CDCA7L: variants seen among roughly 807,000 people sequenced by gnomAD.
CDCA7L encodes the protein cell division cycle-associated 7-like protein.
A neutral mutation model predicts 57.4 loss-of-function variants in CDCA7L; 44 were observed. That is an observed-to-expected ratio of 0.77 (90% CI 0.60 to 0.98). The LOEUF is 0.98. Ranked by LOEUF, CDCA7L falls within the 50% of genes least tolerant of loss-of-function variation. CDCA7L has a pLI of 0.00. For synonymous variants in CDCA7L, 236 were observed against 202.8 expected (o/e 1.16, Z -1.39); for missense variants, 644 against 580.6 (o/e 1.11, Z -1.12).
At chr7:21,904,305 T>C (rs373789023) in intron 7 of CDCA7L, 46 bp from the exon 8 acceptor site, 31 of 1,527,442 alleles carry the variant, frequency 2.0e-5, no homozygotes, top group Non-Finnish European at 2.3e-5. Flanking sequence ...GATATGCTGA[T>C]GCCCAATGAG....
In CDCA7L at chr7:21,942,139, A is replaced by T. The variant is rs542091088; in HGVS notation, c.24+3642T>A. On this transcript the variant is annotated intron_variant, in intron 1 of 9. Coordinates refer to ENST00000406877, the MANE Select transcript of CDCA7L (RefSeq NM_018719.5). ...TGATCAGTGTACTAACCCAGTCAGC[A>T]AGCCCTCTATCCTCAGCTGATGATC... Among the ~76,000 whole-genome samples, 5 of 152,342 alleles carry T rather than the reference A, an allele frequency of 3.3e-5. No homozygotes were observed. The East Asian group carries it at 7.7e-4, about 23-fold the overall frequency.
In CDCA7L at chr7:21,916,769, T is replaced by C. The variant is rs570572755; in HGVS notation, c.150A>G (p.Leu50=). 1.7e-4 allele frequency: 268 copies of C among 1,613,822 alleles called. 1 individual carries two copies. In the South Asian group the frequency reaches 2.8e-3, roughly 17 times the overall value. ...TCATCCATACCTGTTTCCCTGACTC[T>C]AGTGAGTCAAAACTATCGCAGCTCT... ...SEESCDSFDS[L]ESGKQQDVRF... Residue 50 remains leucine (L), a synonymous_variant, in exon 2 of 10, where the codon CTA becomes CTG. Transcript: ENST00000406877.
At chr7:21,928,049 A>T (rs1245775368) in intron 1 of CDCA7L, among the ~76,000 whole-genome samples, 1 of 152,054 alleles carries the variant, frequency 6.6e-6, no homozygotes, top group Non-Finnish European at 1.5e-5. Context: ...GTCAACAGAC[A>T]CCTCATACAG....
intron 1 of CDCA7L, among the ~76,000 whole-genome samples, chr7:21,924,591 C>G (rs1437965829): frequency 2.0e-4 from 31 of 152,152 alleles, no homozygotes; most frequent in Admixed American, 2.0e-3. Context: ...CATGCACCAA[C>G]CACAAGAACT....
Position 21,903,119 on chromosome 7 carries a change from C to CAGAG in CDCA7L, c.1198-9_1198-6dup, listed in dbSNP as rs762183818. 2.5e-6 allele frequency: 4 copies of CAGAG among 1,612,500 alleles called. No individual in the cohort carries two copies. The highest frequency in any genetic ancestry group is 1.3e-5 in the African/African-American group (1 of 74,878). ...ACAGGGGGGACACACCCAATCCTAA[C>CAGAG]AGAGAGATGACAGCAGACACTTCGC... On this transcript the variant is annotated splice_polypyrimidine_tract_variant and splice_region_variant and intron_variant, in intron 8 of 9. Transcript: ENST00000406877.
intron 1 of CDCA7L, among the ~76,000 whole-genome samples, chr7:21,935,536 G>T (rs1202534065): frequency 6.6e-6 from 1 of 150,994 alleles, no homozygotes; most frequent in Non-Finnish European, 1.5e-5. Flanking sequence ...GATTAAAACA[G>T]ATATGAATAG....
rs1193790386 is a variant in CDCA7L, at chr7:21,901,767, C to CAGTGTCT, written c.*548_*554dup. 1 of 129,492 alleles carries CAGTGTCT rather than the reference C, an allele frequency of 7.7e-6. No homozygotes were observed. The highest frequency in any genetic ancestry group is 2.7e-5 in the African/African-American group (1 of 37,422). 8.0% of individuals were successfully genotyped at this position (129,492 alleles called of 1,614,324 possible). A position where few individuals can be genotyped will look rare whatever the true frequency, so the allele number is the denominator to read the frequency against. ...AGCACTCTGTAAGGCCTCCAGTGTC[C>CAGTGTCT]AGTGTCTACAATGTTGATGGTCCCC... is the stretch of plus-strand genomic sequence containing the variant. On this transcript the variant is annotated 3_prime_UTR_variant, in exon 10 of 10. Coordinates refer to ENST00000406877, the MANE Select transcript of CDCA7L (RefSeq NM_018719.5).
chr7:21,912,304 G>A (rs370924926), intron 2 of CDCA7L, among the ~76,000 whole-genome samples: 66 of 152,064 alleles, frequency 4.3e-4, no homozygotes, highest in African/African-American at 1.3e-3. Context: ...AAAAAAACCC[G>A]CATACGTACA....
At chr7:21,936,729 G>C (rs532651220) in intron 1 of CDCA7L, among the ~76,000 whole-genome samples, 3 of 152,180 alleles carry the variant, frequency 2.0e-5, no homozygotes, top group South Asian at 2.1e-4. Context: ...ATGGAAGATT[G>C]AAAGCTTTTC....
chr7:21,908,541 C>G, intron 3 of CDCA7L, 34 bp from the exon 4 acceptor site: 5 of 1,489,638 alleles, frequency 3.4e-6, no homozygotes, highest in Non-Finnish European at 4.4e-6. Flanking sequence ...AGCACAAAGA[C>G]ACTGTTACAG....
At chr7:21,925,170 T>C (rs1268451645) in intron 1 of CDCA7L, among the ~76,000 whole-genome samples, 6 of 151,954 alleles carry the variant, frequency 3.9e-5, no homozygotes, top group African/African-American at 1.5e-4. Flanking sequence ...GCTAAAAACC[T>C]CATACAAAAT....
chr7:21,901,257 T>C lies in CDCA7L; in HGVS notation c.*1065A>G. 7 of 1,607,732 alleles carry C rather than the reference T, an allele frequency of 4.4e-6. No individual in the cohort carries two copies. The highest frequency in any genetic ancestry group is 6.0e-6 in the Non-Finnish European group (7 of 1,176,418). ...TGGCTCTGCTTCTAGAAGCGTAAGG[T>C]AACACTGGCATTCCTCTAGCCTCTG... On this transcript the variant is annotated 3_prime_UTR_variant, in exon 10 of 10. Transcript: ENST00000406877.
At chr7:21,938,265 G>A (rs1292472186) in intron 1 of CDCA7L, among the ~76,000 whole-genome samples, 1 of 152,066 alleles carries the variant, frequency 6.6e-6, no homozygotes, top group Non-Finnish European at 1.5e-5. Context: ...TCAAAGAAGA[G>A]GTACAGGTGA....
chr7:21,928,616 G>C (rs1255400999), intron 1 of CDCA7L, among the ~76,000 whole-genome samples: 2 of 151,942 alleles, frequency 1.3e-5, no homozygotes, highest in African/African-American at 4.8e-5. Flanking sequence ...TAAATGACCT[G>C]ATGGAGCTGA....
chr7:21,919,467 G>A (rs190594813), intron 1 of CDCA7L, among the ~76,000 whole-genome samples: 17 of 152,124 alleles, frequency 1.1e-4, no homozygotes, highest in African/African-American at 3.1e-4. Flanking sequence ...TTTCTCCAAG[G>A]AGCCCTGAAA....
Position 21,902,275 on chromosome 7 carries a change from T to TGTTGGAGTACTCTA in CDCA7L, c.*33_*46dup. 6.4e-7 allele frequency: 1 copy of TGTTGGAGTACTCTA among 1,551,998 alleles called. No individual in the cohort carries two copies. The highest frequency in any genetic ancestry group is 8.9e-7 in the Non-Finnish European group (1 of 1,123,890). ...TTAGGCACCAATGGTATGCATGTCTTGTTGGAGTACTCTATGGTGAGGTGG... is the reference window on the plus strand; with the variant it reads ...TTAGGCACCAATGGTATGCATGTCTTGTTGGAGTACTCTAGTTGGAGTACTCTATGGTGAGGTGG... On this transcript the variant is annotated 3_prime_UTR_variant, in exon 10 of 10. Coordinates refer to ENST00000406877, the MANE Select transcript of CDCA7L (RefSeq NM_018719.5).
chr7:21,931,124 G>C (rs1390207193), intron 1 of CDCA7L, among the ~76,000 whole-genome samples: 1 of 152,082 alleles, frequency 6.6e-6, no homozygotes, highest in East Asian at 1.9e-4. Flanking sequence ...TCTGAAATTG[G>C]GGCAGTAATT....
At chr7:21,943,540 A>T (rs1024841636) in intron 1 of CDCA7L, among the ~76,000 whole-genome samples, 1 of 152,222 alleles carries the variant, frequency 6.6e-6, no homozygotes, top group Non-Finnish European at 1.5e-5. Context: ...CGAATTTAAC[A>T]TCTTGCTGTG....
At chr7:21,931,400 C>G (rs1057341823) in intron 1 of CDCA7L, among the ~76,000 whole-genome samples, 1 of 152,190 alleles carries the variant, frequency 6.6e-6, no homozygotes, top group African/African-American at 2.4e-5. Flanking sequence ...CAAACCAAAT[C>G]CAGCAGCACA....
Sources: allele counts gnomAD v4.1 joint callset (sites outside exome capture counted in the v4.1 genomes callset), GRCh38; gene constraint gnomAD v4.1.1; transcripts MANE v1.5; gene names NCBI Gene and HGNC (gene_info 2026-07-23, HGNC 2026-07-21).